Variants in CFTR observed in about 807,000 individuals in gnomAD.
CFTR encodes the protein cystic fibrosis transmembrane conductance regulator.
Under a neutral mutation model 171.6 loss-of-function variants are expected in CFTR, and 181 were observed. That is an observed-to-expected ratio of 1.05 (90% CI 0.93 to 1.19). The LOEUF is 1.19. Among genes scored for constraint, CFTR ranks in the 50% most tolerant of loss-of-function variants. The pLI, the probability that CFTR is intolerant of heterozygous loss-of-function variation, is 0.00. For missense variants in CFTR, 1,968 were observed against 1,734.7 expected (o/e 1.13, Z -2.39); for synonymous variants, 583 against 608.0 (o/e 0.96, Z 0.60).
chr7:117,512,042 T>G (rs1232362931), intron 3 of CFTR, among the ~76,000 whole-genome samples: 1 of 152,272 alleles, frequency 6.6e-6, no homozygotes, highest in East Asian at 1.9e-4. Flanking sequence ...TAGAAATAGA[T>G]GGTCATACTT....
intron 24 of CFTR, among the ~76,000 whole-genome samples, chr7:117,656,567 T>C (rs1793186734): frequency 6.6e-6 from 1 of 152,146 alleles, no homozygotes; most frequent in African/African-American, 2.4e-5. Flanking sequence ...AGGAATTTGA[T>C]GGGGAGGAGA....
chr7:117,587,234 G>A (rs916438321), intron 11 of CFTR, among the ~76,000 whole-genome samples: 1 of 152,154 alleles, frequency 6.6e-6, no homozygotes, highest in African/African-American at 2.4e-5. Flanking sequence ...AGCATGGAAA[G>A]GAATTGCCTT....
intron 10 of CFTR, among the ~76,000 whole-genome samples, chr7:117,551,162 G>C (rs546287374): frequency 1.3e-5 from 2 of 152,124 alleles, no homozygotes; most frequent in African/African-American, 4.8e-5. Flanking sequence ...AATTGGGTGG[G>C]GGAGCCCCAT....
chr7:117,494,397 G>A (rs1584770317), intron 1 of CFTR, among the ~76,000 whole-genome samples: 1 of 151,440 alleles, frequency 6.6e-6, no homozygotes, highest in South Asian at 2.1e-4. Flanking sequence ...TGTCTAGCAT[G>A]CGCTTTGCCT....
At chr7:117,529,516 A>T (rs1429635641) in intron 3 of CFTR, among the ~76,000 whole-genome samples, 2 of 117,294 alleles carry the variant, frequency 1.7e-5, no homozygotes, top group African/African-American at 1.6e-4. Context: ...TAGAGTATAA[A>T]AAAAAAAAAA....
chr7:117,667,054 G>A lies in CFTR; in HGVS notation c.4389G>A (p.Gln1463=), dbSNP rs1800136. Residue 1463 remains glutamine, a synonymous_variant, in exon 27 of 27, where the codon CAG becomes CAA. Coordinates refer to ENST00000003084, the MANE Select transcript of CFTR (RefSeq NM_000492.4). ...RNSSKCKSKP[Q]IAALKEETEE... ...CAAGCAAGTGCAAGTCTAAGCCCCA[G>A]ATTGCTGCTCTGAAAGAGGAGACAG... 0.23 allele frequency: 363,327 copies of A among 1,613,520 alleles called. 43,634 individuals carry two copies. The highest frequency in any genetic ancestry group is 0.27 in the South Asian group (24,606 of 91,076).
chr7:117,558,372 G>A (rs1451830845), intron 10 of CFTR, among the ~76,000 whole-genome samples: 1 of 152,002 alleles, frequency 6.6e-6, no homozygotes, highest in Non-Finnish European at 1.5e-5. Flanking sequence ...GGCTAACACA[G>A]TGAAACTCCG....
chr7:117,488,747 T>C (rs547537576), intron 1 of CFTR, among the ~76,000 whole-genome samples: 2 of 152,244 alleles, frequency 1.3e-5, no homozygotes, highest in South Asian at 4.1e-4. Context: ...AACCTAGTGC[T>C]CTAAAGTAAA....
intron 10 of CFTR, among the ~76,000 whole-genome samples, chr7:117,553,388 T>C (rs900974058): frequency 6.6e-6 from 1 of 152,192 alleles, no homozygotes; most frequent in South Asian, 2.1e-4. Context: ...TAACTTTATA[T>C]ACATATCATT....
At chr7:117,523,491 C>T (rs1245149515) in intron 3 of CFTR, among the ~76,000 whole-genome samples, 1 of 152,006 alleles carries the variant, frequency 6.6e-6, no homozygotes, top group Non-Finnish European at 1.5e-5. Flanking sequence ...ATTCTCCTGC[C>T]TCAGCCTCCC....
chr7:117,490,394 T>C (rs1218678751), intron 1 of CFTR, among the ~76,000 whole-genome samples: 4 of 151,188 alleles, frequency 2.6e-5, no homozygotes, highest in Admixed American at 1.3e-4. Context: ...TTATGATGGC[T>C]AACAAGTCCA....
intron 21 of CFTR, among the ~76,000 whole-genome samples, chr7:117,621,597 G>C (rs1482360482): frequency 6.6e-6 from 1 of 152,178 alleles, no homozygotes; most frequent in African/African-American, 2.4e-5. Flanking sequence ...TACAAGACAT[G>C]TAAAGGATGA....
At chr7:117,484,000 A>G (rs1179481026) in intron 1 of CFTR, among the ~76,000 whole-genome samples, 2 of 152,228 alleles carry the variant, frequency 1.3e-5, no homozygotes, top group African/African-American at 2.4e-5. Context: ...ATTTGGTTAT[A>G]TAAATTATGA....
chr7:117,661,666 T>C (rs1349134784), intron 24 of CFTR, among the ~76,000 whole-genome samples: 1 of 152,220 alleles, frequency 6.6e-6, no homozygotes, highest in Non-Finnish European at 1.5e-5. Flanking sequence ...AAGGTAGTGT[T>C]TCAGTTCCTG....
chr7:117,519,236 A>T (rs1322649351), intron 3 of CFTR, among the ~76,000 whole-genome samples: 1 of 152,128 alleles, frequency 6.6e-6, no homozygotes, highest in African/African-American at 2.4e-5. Flanking sequence ...AATATTTAAA[A>T]ACAAACCTCT....
intron 3 of CFTR, among the ~76,000 whole-genome samples, chr7:117,530,164 G>A (rs1478324328): frequency 6.6e-6 from 1 of 152,134 alleles, no homozygotes; most frequent in African/African-American, 2.4e-5. Flanking sequence ...ACGGGCCTTT[G>A]AGGAGTCCAG....
intron 6 of CFTR, among the ~76,000 whole-genome samples, chr7:117,535,836 A>G (rs1482276485): frequency 6.6e-6 from 1 of 152,086 alleles, no homozygotes; most frequent in Non-Finnish European, 1.5e-5. Context: ...GCCCGGCCTA[A>G]AAAATACTTT....
chr7:117,581,010 A>G (rs531776226), intron 11 of CFTR, among the ~76,000 whole-genome samples: 2 of 152,326 alleles, frequency 1.3e-5, no homozygotes, highest in East Asian at 1.9e-4. Flanking sequence ...GACAAGGTAA[A>G]GAACTTGTAT....
intron 1 of CFTR, among the ~76,000 whole-genome samples, chr7:117,492,469 A>G (rs1798175525): frequency 6.6e-6 from 1 of 151,958 alleles, no homozygotes; most frequent in South Asian, 2.1e-4. Context: ...TAATTGATTG[A>G]CCCATTAATT....
Sources: allele counts gnomAD v4.1 joint callset (sites outside exome capture counted in the v4.1 genomes callset), GRCh38; gene constraint gnomAD v4.1.1; transcripts MANE v1.5; gene names NCBI Gene and HGNC (gene_info 2026-07-23, HGNC 2026-07-21).